The following IARS1 variants were observed in gnomAD, a reference collection of about 807,000 sequenced individuals.
IARS1 encodes isoleucine--tRNA ligase, cytoplasmic.
IARS1 carries 124 observed loss-of-function variants against 168.2 expected under a neutral mutation model. The observed-to-expected ratio is 0.74, with a 90% CI of 0.64 to 0.86. The LOEUF is 0.86. Ranked by LOEUF, IARS1 falls within the 40% of genes least tolerant of loss-of-function variation. IARS1 has a pLI of 0.00. For missense variants in IARS1, 1,452 were observed against 1,515.8 expected, an observed-to-expected ratio of 0.96 and a Z score of 0.70; for synonymous variants, 532 against 529.4, an observed-to-expected ratio of 1.00 and a Z score of -0.07.
intron 30 of IARS1, among the ~76,000 whole-genome samples, chr9:92,234,041 G>A (rs1827118171): frequency 2.0e-5 from 3 of 152,282 alleles, no homozygotes; most frequent in East Asian, 3.9e-4. Flanking sequence ...GAATACATGC[G>A]TGAACCACCA....
chr9:92,277,348 C>G (rs1011388569), intron 9 of IARS1, among the ~76,000 whole-genome samples: 1 of 151,964 alleles, frequency 6.6e-6, no homozygotes, highest in African/African-American at 2.4e-5. Context: ...TTGCTTGAAC[C>G]TGGGGGGCAG....
intron 30 of IARS1, among the ~76,000 whole-genome samples, chr9:92,233,297 T>C (rs142632441): frequency 1.2e-4 from 18 of 152,342 alleles, no homozygotes; most frequent in African/African-American, 4.1e-4. Flanking sequence ...TAAACTTCCT[T>C]GTCAATTGCA....
At chr9:92,237,506 TTGGCTGAGGTGTTCTAAC>T (rs1348239215) in intron 30 of IARS1, among the ~76,000 whole-genome samples, 2 of 151,370 alleles carry the variant, frequency 1.3e-5, no homozygotes, top group Admixed American at 6.6e-5. Flanking sequence ...TCTGCTATTT[TTGGCTGAGGTGTTCTAAC>T]TGGTCTATTG....
At chr9:92,280,297 C>T (rs1177090425) in intron 7 of IARS1, among the ~76,000 whole-genome samples, 3 of 152,160 alleles carry the variant, frequency 2.0e-5, no homozygotes, top group Non-Finnish European at 4.4e-5. Context: ...AACTACCAAA[C>T]CTGAAGGTAT....
At chr9:92,259,173 T>C (rs1382884138) in intron 18 of IARS1, among the ~76,000 whole-genome samples, 175 bp from the exon 19 acceptor site, 2 of 152,218 alleles carry the variant, frequency 1.3e-5, no homozygotes, top group Non-Finnish European at 2.9e-5. Flanking sequence ...TCTCACTTTC[T>C]ATAAGAGACT....
intron 30 of IARS1, among the ~76,000 whole-genome samples, chr9:92,237,060 C>A (rs1374621416): frequency 6.6e-6 from 1 of 152,090 alleles, no homozygotes; most frequent in Admixed American, 6.5e-5. Flanking sequence ...TTGCACTGAT[C>A]TCTTATTTTT....
chr9:92,230,333 A>C lies in IARS1; in HGVS notation c.3284-1207T>G, dbSNP rs192548583. ...TCACCATGTTGGCCAGGCTGGTCTC[A>C]AACTCCTGACCTCAGGTGATCTGCC... is the stretch of plus-strand genomic sequence containing the variant. On this transcript the variant is annotated intron_variant, in intron 30 of 33. Transcript: ENST00000443024. Among the ~76,000 whole-genome samples the C allele has an allele frequency of 1.8e-4, 28 of 152,020 alleles. No homozygotes were observed. In the East Asian group the frequency reaches 5.2e-3, roughly 28 times the overall value.
At chr9:92,222,833 T>G (rs1388394793) in intron 32 of IARS1, among the ~76,000 whole-genome samples, 161 bp from the exon 33 acceptor site, 1 of 150,564 alleles carries the variant, frequency 6.6e-6, no homozygotes, top group Non-Finnish European at 1.5e-5. Context: ...CAGAAACAGC[T>G]CTCAACATTT....
chr9:92,240,889 T>A lies in IARS1; in HGVS notation c.3250A>T (p.Asn1084Tyr). 6.2e-7 allele frequency: 1 copy of A among 1,613,112 alleles called. No homozygotes were observed. The highest frequency in any genetic ancestry group is 1.1e-5 in the South Asian group (1 of 91,050). ...SLPGPACAYV[N>Y]LNICANGSEQ... ...CTGCCATTTGCACAAATGTTAAGAT[T>A]GACATATGCACAAGCAGGACCAGGA... Residue 1084 changes from asparagine (N) to tyrosine (Y), a missense_variant, in exon 30 of 34, where the codon AAT (asparagine) becomes TAT (tyrosine). Transcript: ENST00000443024.
Position 92,256,748 on chromosome 9 carries a change from T to C in IARS1, c.2069A>G (p.Asn690Ser), listed in dbSNP as rs534003943. Residue 690 changes from asparagine (N) to serine (S), a missense_variant, in exon 20 of 34, where the codon AAC (asparagine) becomes AGC (serine). Coordinates refer to ENST00000443024, the MANE Select transcript of IARS1 (RefSeq NM_002161.6). ...YNENTVRESP[N>S]ITDRWILSFM... ...GGACAGGATCCACCGGTCTGTAATG[T>C]TGGGGCTTTCTCTAACCGTGTTCTC... 36 of 1,613,908 alleles carry C rather than the reference T, an allele frequency of 2.2e-5. No homozygotes were observed. The highest frequency in any genetic ancestry group is 1.2e-4 in the African/African-American group (9 of 75,050).
chr9:92,267,387 C>A (rs916383472), intron 14 of IARS1, among the ~76,000 whole-genome samples: 11 of 152,180 alleles, frequency 7.2e-5, no homozygotes, highest in Non-Finnish European at 2.9e-5. Context: ...TGCTGCCGCT[C>A]ATCACTGCAA....
At chr9:92,212,597 C>G (rs1837942329) in intron 33 of IARS1, among the ~76,000 whole-genome samples, 1 of 152,212 alleles carries the variant, frequency 6.6e-6, no homozygotes, top group Non-Finnish European at 1.5e-5. Context: ...ATCTTCAGCT[C>G]CACTGCACAA....
At chr9:92,217,579 T>G (rs896275404) in intron 33 of IARS1, among the ~76,000 whole-genome samples, 1 of 150,648 alleles carries the variant, frequency 6.6e-6, no homozygotes, top group Non-Finnish European at 1.5e-5. Context: ...CAATACAAAA[T>G]GATAAAGGGG....
chr9:92,226,765 G>C (rs1825751680), intron 31 of IARS1, among the ~76,000 whole-genome samples: 1 of 151,432 alleles, frequency 6.6e-6, no homozygotes, highest in South Asian at 2.1e-4. Context: ...TCACCACATG[G>C]CATTTTCTCC....
At chr9:92,246,068 C>A (rs1829154294) in intron 26 of IARS1, among the ~76,000 whole-genome samples, 1 of 152,034 alleles carries the variant, frequency 6.6e-6, no homozygotes, top group Admixed American at 6.6e-5. Flanking sequence ...GAGTCACCAC[C>A]CCCAGCCATC....
At chr9:92,281,729 GAA>G (rs149853378) in intron 6 of IARS1, among the ~76,000 whole-genome samples, 1 of 147,940 alleles carries the variant, frequency 6.8e-6, no homozygotes, top group African/African-American at 2.5e-5. Flanking sequence ...TCTAAGGTAG[GAA>G]AAAAAAAATC....
At chr9:92,266,068 C>A (rs1162902089) in intron 14 of IARS1, among the ~76,000 whole-genome samples, 4 of 152,142 alleles carry the variant, frequency 2.6e-5, no homozygotes, top group African/African-American at 9.7e-5. Flanking sequence ...TCTGAAGAGG[C>A]CAGGGTTGCC....
intron 20 of IARS1, 100 bp downstream of exon 20, chr9:92,256,576 TTTAA>T (rs1564174379): frequency 8.6e-7 from 1 of 1,166,902 alleles, no homozygotes; most frequent in Non-Finnish European, 1.2e-6. Flanking sequence ...GAAACAATTA[TTTAA>T]TTTTCTGTAT....
chr9:92,257,731 T>C (rs532782390), intron 19 of IARS1, among the ~76,000 whole-genome samples: 1 of 152,344 alleles, frequency 6.6e-6, no homozygotes, highest in African/African-American at 2.4e-5. Context: ...CAAGAGTTCA[T>C]TTTTCCAACC....
Sources: gnomAD v4.1 joint callset for allele counts (sites outside exome capture counted in the v4.1 genomes callset) on GRCh38, gnomAD v4.1.1 for gene constraint, MANE v1.5 for transcripts, NCBI Gene and HGNC (gene_info 2026-07-23, HGNC 2026-07-21) for gene names.